PTAFR: variants seen among roughly 807,000 people sequenced by gnomAD.
PTAFR encodes the protein platelet-activating factor receptor.
Under a neutral mutation model 14.7 loss-of-function variants are expected in PTAFR, and 8 were observed. The ratio of observed to expected loss-of-function variants is 0.54; its 90% CI spans 0.32 to 0.98. The LOEUF is 0.98. PTAFR is among the 50% of genes least tolerant of loss of function. PTAFR has a pLI of 0.04. For missense variants in PTAFR, 337 were observed against 451.2 expected, an observed-to-expected ratio of 0.75 and a Z score of 2.29; for synonymous variants, 156 against 176.5, an observed-to-expected ratio of 0.88 and a Z score of 0.92.
At position 28,150,030 on chromosome 1, in the gene PTAFR, G is replaced by A; in HGVS notation, c.992C>T (p.Pro331Leu). Reference sequence around the variant, plus strand: ...GGAATTGCCAGGGATCTGGTTGAATGGCACAACCACTTCAGTGACCGTATC... The same window carrying A: ...GGAATTGCCAGGGATCTGGTTGAATAGCACAACCACTTCAGTGACCGTATC... ...TTDTVTEVVVPFNQIPGNSLK... is the reference protein window; with the variant it reads ...TTDTVTEVVVLFNQIPGNSLK... Residue 331 changes from proline (P) to leucine (L), a missense_variant, in exon 2 of 2, where the codon CCA (proline) becomes CTA (leucine). Transcript: ENST00000373857. The surrounding 1 kb of genome is among the most constrained non-coding windows in gnomAD (Gnocchi z 6.3). 6.2e-7 allele frequency: 1 copy of A among 1,614,028 alleles called. No homozygotes were observed.
At chr1:28,184,907 C>T (rs1429297316) in intron 1 of PTAFR, among the ~76,000 whole-genome samples, 2 of 151,954 alleles carry the variant, frequency 1.3e-5, no homozygotes, top group African/African-American at 4.8e-5. Context: ...TTCAAAGTGC[C>T]GGGATTACAG....
intron 1 of PTAFR, among the ~76,000 whole-genome samples, chr1:28,157,262 C>T (rs1248297929): frequency 6.6e-6 from 1 of 152,120 alleles, no homozygotes; most frequent in African/African-American, 2.4e-5. Flanking sequence ...ACCTCAGCCT[C>T]CCAAGTAGCT....
At position 28,172,559 on chromosome 1, in the gene PTAFR, C is replaced by T. The variant is rs1282111364; in HGVS notation, c.-39+4033G>A. Among the ~76,000 whole-genome samples the T allele has an allele frequency of 2.0e-5, 3 of 152,214 alleles. No individual in the cohort carries two copies. The South Asian group carries it at 6.2e-4, about 31-fold the overall frequency. ...AATGATGGTAATAAAACCTTCCTCACGGGGTGGTTGTGAGAGCTGAGTGAA... is the reference window on the plus strand; with the variant it reads ...AATGATGGTAATAAAACCTTCCTCATGGGGTGGTTGTGAGAGCTGAGTGAA... On this transcript the variant is annotated intron_variant, in intron 1 of 1. Transcript: ENST00000373857.
At chr1:28,182,337 AAAAG>A (rs1436927069) in intron 1 of PTAFR, among the ~76,000 whole-genome samples, 2 of 151,740 alleles carry the variant, frequency 1.3e-5, no homozygotes, top group South Asian at 2.1e-4. Flanking sequence ...CTCTGTCAAA[AAAAG>A]AAAGAGAGAG....
chr1:28,158,278 T>A lies in PTAFR; in HGVS notation c.-38-7219A>T, dbSNP rs545009797. ...ATTTGATAGTGCGAGGAGAGAGGAA[T>A]AACAGGCACAGGGGACTGCGGGACA... On this transcript the variant is annotated intron_variant, in intron 1 of 1. Transcript: ENST00000373857. Among the ~76,000 whole-genome samples the A allele has an allele frequency of 9.4e-4, 143 of 152,134 alleles. No individual in the cohort carries two copies. In the Middle Eastern group the frequency reaches 0.01, roughly 11 times the overall value.
intron 1 of PTAFR, among the ~76,000 whole-genome samples, chr1:28,183,679 T>C (rs1362305714): frequency 6.6e-6 from 1 of 152,088 alleles, no homozygotes; most frequent in Non-Finnish European, 1.5e-5. Context: ...TCAGTGGTTC[T>C]CAACCAGAGG....
intron 1 of PTAFR, among the ~76,000 whole-genome samples, chr1:28,188,209 G>C (rs1445552774): frequency 1.3e-5 from 2 of 152,216 alleles, no homozygotes; most frequent in Admixed American, 6.5e-5. Context: ...ACTTTGGGAG[G>C]ATGAAGCTGG....
At chr1:28,176,208 C>T (rs1049140370) in intron 1 of PTAFR, among the ~76,000 whole-genome samples, 4 of 151,966 alleles carry the variant, frequency 2.6e-5, no homozygotes, top group African/African-American at 4.8e-5. Flanking sequence ...TTTGGGAGGC[C>T]GAGGCAGGCT....
chr1:28,168,593 C>T (rs1646417908), intron 1 of PTAFR, among the ~76,000 whole-genome samples: 1 of 152,050 alleles, frequency 6.6e-6, no homozygotes, highest in Admixed American at 6.6e-5. Flanking sequence ...CGGTGGTTGC[C>T]AGGGGCTGGG....
intron 1 of PTAFR, among the ~76,000 whole-genome samples, chr1:28,185,681 A>G (rs1646600482): frequency 6.7e-6 from 1 of 149,430 alleles, no homozygotes; most frequent in Non-Finnish European, 1.5e-5. Context: ...ATTCTGTTGT[A>G]AAGACTATCA....
intron 1 of PTAFR, among the ~76,000 whole-genome samples, chr1:28,156,619 A>G (rs1039078248): frequency 2.6e-5 from 4 of 152,230 alleles, no homozygotes; most frequent in Admixed American, 2.0e-4. Context: ...TTTTAATACA[A>G]TATTGCTGGA....
At chr1:28,168,343 A>G (rs1646415078) in intron 1 of PTAFR, among the ~76,000 whole-genome samples, 1 of 152,142 alleles carries the variant, frequency 6.6e-6, no homozygotes, top group Non-Finnish European at 1.5e-5. Context: ...TCAAGCGTGG[A>G]AACACCTAAC....
chr1:28,170,429 A>G (rs1553165389), intron 1 of PTAFR, among the ~76,000 whole-genome samples: 1 of 152,164 alleles, frequency 6.6e-6, no homozygotes, highest in Non-Finnish European at 1.5e-5. Flanking sequence ...TTGAGGCTGG[A>G]AAGGTGGCCC....
intron 1 of PTAFR, among the ~76,000 whole-genome samples, chr1:28,184,443 A>G (rs1254853827): frequency 1.3e-5 from 2 of 152,028 alleles, no homozygotes; most frequent in Non-Finnish European, 2.9e-5. Context: ...CATCAGTCAC[A>G]TCACATCACT....
At chr1:28,152,343 T>TAAA (rs2148992873) in intron 1 of PTAFR, among the ~76,000 whole-genome samples, 1 of 152,116 alleles carries the variant, frequency 6.6e-6, no homozygotes, top group East Asian at 1.9e-4. Context: ...GGCTTACGCC[T>TAAA]GTAATCCCAG....
At position 28,160,828 on chromosome 1, in the gene PTAFR, C is replaced by T. The variant is rs35371206; in HGVS notation, c.-38-9769G>A. On this transcript the variant is annotated intron_variant, in intron 1 of 1. Coordinates refer to ENST00000373857, the MANE Select transcript of PTAFR (RefSeq NM_000952.5). ...CAAACCCGTTGGTGCCACCAGTACC[C>T]GTCATCCTGGCTCTTCCTACTTCTG... 3.9e-5 allele frequency among the ~76,000 whole-genome samples: 6 copies of T among 152,220 alleles called. No individual in the cohort carries two copies. The East Asian group carries it at 7.7e-4, about 20-fold the overall frequency.
At chr1:28,169,022 AAAG>A (rs983312806) in intron 1 of PTAFR, among the ~76,000 whole-genome samples, 1 of 151,816 alleles carries the variant, frequency 6.6e-6, no homozygotes, top group Non-Finnish European at 1.5e-5. Context: ...AAAGAAAAGA[AAAG>A]AAAACATTCT....
intron 1 of PTAFR, among the ~76,000 whole-genome samples, chr1:28,159,190 C>A (rs923180702): frequency 1.2e-4 from 18 of 152,122 alleles, no homozygotes; most frequent in African/African-American, 4.3e-4. Flanking sequence ...ATCTGGGATG[C>A]CTGTGAAACA....
chr1:28,165,136 T>A (rs1646368151), intron 1 of PTAFR, among the ~76,000 whole-genome samples: 1 of 152,120 alleles, frequency 6.6e-6, no homozygotes, highest in African/African-American at 2.4e-5. Context: ...GCACGATGGC[T>A]CATGCCTATA....
Sources: gnomAD v4.1 joint callset for allele counts (sites outside exome capture counted in the v4.1 genomes callset) on GRCh38, gnomAD v4.1.1 for gene constraint, Gnocchi (gnomAD v3.1) non-coding constraint, MANE v1.5 for transcripts, NCBI Gene and HGNC (gene_info 2026-07-23, HGNC 2026-07-21) for gene names.